The following CHST12 variants were observed in gnomAD, a reference collection of about 807,000 sequenced individuals.
CHST12 encodes the protein carbohydrate sulfotransferase 12, also known as carbohydrate (chondroitin 4) sulfotransferase 12.
CHST12 carries 23 observed loss-of-function variants against 27.9 expected under a neutral mutation model. That is an observed-to-expected ratio of 0.82 (90% confidence interval 0.59 to 1.17). The LOEUF (loss-of-function observed/expected upper bound fraction) is 1.17, where lower values mean the gene tolerates loss of function less well. Ranked by LOEUF, CHST12 falls within the 50% of genes most tolerant of loss-of-function variation. The pLI is 0.00. For missense variants in CHST12, 682 were observed against 603.0 expected (o/e 1.13, Z -1.37); for synonymous variants, 322 against 273.0 (o/e 1.18, Z -1.77).
Position 2,433,622 on chromosome 7 carries a change from T to C in CHST12, c.983T>C (p.Leu328Pro). ...GAGCACTGGCGGCAGGTGTACCGCC[T>C]CTGCCACCCGTGCCAGATCGACTAC... ...FNEHWRQVYR[L>P]CHPCQIDYDF... is the part of the protein sequence containing the mutation. Residue 328 changes from leucine to proline, a missense_variant, in exon 2 of 2, where the codon CTC (leucine) becomes CCC (proline). Coordinates refer to ENST00000618655, the MANE Select transcript of CHST12 (RefSeq NM_018641.5). The surrounding 1 kb of genome is among the most constrained non-coding windows in gnomAD (Gnocchi z 6.1). 1 of 1,613,640 alleles carries C rather than the reference T, an allele frequency of 6.2e-7. No homozygotes were observed. Among genetic ancestry groups the C allele is most frequent in the Non-Finnish European group, 8.5e-7 (1 of 1,179,986 alleles).
chr7:2,433,718 G>T lies in CHST12; in HGVS notation c.1079G>T (p.Arg360Leu). The T allele has an allele frequency of 2.5e-6, 4 of 1,613,564 alleles. No individual in the cohort carries two copies. Among genetic ancestry groups the T allele is most frequent in the Non-Finnish European group, 3.4e-6 (4 of 1,179,910 alleles). ...AQLLQLLQVD[R>L]QLRFPPSYRN... is the part of the protein sequence containing the mutation. Reference sequence around the variant, plus strand: ...CTGCTGCAGCTACTCCAGGTGGACCGGCAGCTCCGCTTCCCCCCGAGCTAC... The same window carrying T: ...CTGCTGCAGCTACTCCAGGTGGACCTGCAGCTCCGCTTCCCCCCGAGCTAC... The change falls in exon 2 of 2, where the codon CGG becomes CTG. Residue 360 changes from arginine (R) to leucine (L), a missense_variant. Transcript: ENST00000618655. The surrounding 1 kb of genome is among the most constrained non-coding windows in gnomAD (Gnocchi z 6.1).
At chr7:2,411,341 TA>T (rs780633159) in intron 1 of CHST12, among the ~76,000 whole-genome samples, 17 of 152,102 alleles carry the variant, frequency 1.1e-4, no homozygotes, top group Non-Finnish European at 2.4e-4. Flanking sequence ...CTTGGCCACC[TA>T]AAGTGTTGGG....
Position 2,436,077 on chromosome 7 carries a change from G to A in CHST12, c.*2193G>A, listed in dbSNP as rs1782466169. The A allele has an allele frequency of 6.6e-6, 1 of 152,412 alleles. No homozygotes were observed. Among genetic ancestry groups the A allele is most frequent in the African/African-American group, 2.4e-5 (1 of 41,566 alleles). 9.4% of individuals were successfully genotyped at this position (152,412 alleles called of 1,614,324 possible). A position where few individuals can be genotyped will look rare whatever the true frequency, so the allele number is the denominator to read the frequency against. On this transcript the variant is annotated 3_prime_UTR_variant, in exon 2 of 2. Transcript: ENST00000618655. ...GACCCTCCTGCATCACCCTCCCAAAGTGCTGGGATTACAGGCATGAGCCAT... is the reference window on the plus strand; with the variant it reads ...GACCCTCCTGCATCACCCTCCCAAAATGCTGGGATTACAGGCATGAGCCAT...
intron 1 of CHST12, 129 bp from the exon 2 acceptor site, chr7:2,432,434 G>A (rs1437158177): frequency 1.6e-6 from 1 of 612,108 alleles, no homozygotes. Context: ...AGCCCCTCTG[G>A]AGGGCGAGCT....
intron 1 of CHST12, among the ~76,000 whole-genome samples, chr7:2,406,450 TGAGTAC>T: frequency 5.2e-4 from 2 of 3,826 alleles, no homozygotes; most frequent in African/African-American, 2.0e-3. Context: ...GGGGCACAGT[TGAGTAC>T]GGGGTGGGGG....
Position 2,433,986 on chromosome 7 carries a change from C to A in CHST12, c.*102C>A. Reference sequence around the variant, plus strand: ...TTGCAATCTGGGCTTCTTGTTCACTCCACTGCCTCTATCCATTGAGTACTG... The same window carrying A: ...TTGCAATCTGGGCTTCTTGTTCACTACACTGCCTCTATCCATTGAGTACTG... On this transcript the variant is annotated 3_prime_UTR_variant, in exon 2 of 2. Transcript: ENST00000618655. This position sits in a 1 kb window ranked among gnomAD's most constrained non-coding sequence, Gnocchi z 6.1. 1 of 887,272 alleles carries A rather than the reference C, an allele frequency of 1.1e-6. No individual in the cohort carries two copies. The highest frequency in any genetic ancestry group is 1.8e-6 in the Non-Finnish European group (1 of 564,678). 55.0% of individuals were successfully genotyped at this position (887,272 alleles called of 1,614,324 possible). A position where few individuals can be genotyped will look rare whatever the true frequency, so the allele number is the denominator to read the frequency against.
rs1217329359 is a variant in CHST12 at position 2,436,406 on chromosome 7, A to G, written c.*2522A>G. 5 of 152,202 alleles carry G rather than the reference A, an allele frequency of 3.3e-5. No individual in the cohort carries two copies. The highest frequency in any genetic ancestry group is 2.0e-4 in the Admixed American group (3 of 15,280). 9.4% of individuals were successfully genotyped at this position (152,202 alleles called of 1,614,324 possible). On this transcript the variant is annotated 3_prime_UTR_variant, in exon 2 of 2. Transcript: ENST00000618655. ...GGACTGAAGTACTTCACCTCATGCA[A>G]TGTCCTCTAGGTTCATCGGTGTCGT...
At position 2,448,275 on chromosome 7, in the gene CHST12, C is replaced by T. The variant is rs964623955; in HGVS notation, c.*14391C>T. ...TTCCCGGCAGGTTGTCTCTGCCTCC[C>T]CTTGCACCCCTTGAATGGCGGGCTC... On this transcript the variant is annotated 3_prime_UTR_variant, in exon 2 of 2. Coordinates refer to ENST00000618655, the MANE Select transcript of CHST12 (RefSeq NM_018641.5). 1 of 152,274 alleles carries T rather than the reference C, an allele frequency of 6.6e-6. No individual in the cohort carries two copies. The highest frequency in any genetic ancestry group is 2.4e-5 in the African/African-American group (1 of 41,436). 9.4% of individuals were successfully genotyped at this position (152,274 alleles called of 1,614,324 possible).
At chr7:2,418,643 G>T (rs1027556714) in intron 1 of CHST12, among the ~76,000 whole-genome samples, 5 of 152,330 alleles carry the variant, frequency 3.3e-5, no homozygotes, top group East Asian at 1.9e-4. Flanking sequence ...GATCATGACC[G>T]CAGTGCTCAG....
intron 1 of CHST12, among the ~76,000 whole-genome samples, chr7:2,409,480 T>C (rs546096626): frequency 2.6e-5 from 4 of 152,108 alleles, no homozygotes; most frequent in African/African-American, 9.6e-5. Context: ...CCAGACATGG[T>C]GGCCTGTGTC....
rs376764872 is a variant in CHST12 at position 2,427,583 on chromosome 7, CT to C, written c.-77-4979del. On this transcript the variant is annotated intron_variant, in intron 1 of 1. Coordinates refer to ENST00000618655, the MANE Select transcript of CHST12 (RefSeq NM_018641.5). Reference sequence around the variant, plus strand: ...TGGGCCTTCCATCTGCCACCCCCCCCTACAGAGATGATAGAAAAATGGTACA... The same window carrying C: ...TGGGCCTTCCATCTGCCACCCCCCCCACAGAGATGATAGAAAAATGGTACA... 4.9e-3 allele frequency among the ~76,000 whole-genome samples: 740 copies of C among 152,058 alleles called. 2 individuals are homozygous for C. The highest frequency in any genetic ancestry group is 0.016 in the African/African-American group (683 of 41,488).
chr7:2,408,688 G>C (rs1349692965), intron 1 of CHST12, among the ~76,000 whole-genome samples: 1 of 152,196 alleles, frequency 6.6e-6, no homozygotes, highest in East Asian at 1.9e-4. Flanking sequence ...GACAACTTCA[G>C]ACTTGCTCCC....
chr7:2,433,037 C>G lies in CHST12; in HGVS notation c.398C>G (p.Ala133Gly), dbSNP rs760576980. 26 of 1,611,436 alleles carry G rather than the reference C, an allele frequency of 1.6e-5. 1 individual carries two copies. In the South Asian group the frequency reaches 2.9e-4, roughly 18 times the overall value. Residue 133 changes from alanine (A) to glycine (G), a missense_variant, in exon 2 of 2, where the codon GCC becomes GGC. Coordinates refer to ENST00000618655, the MANE Select transcript of CHST12 (RefSeq NM_018641.5). This position sits in a 1 kb window ranked among gnomAD's most constrained non-coding sequence, Gnocchi z 6.1. ...ERRSVLRGFCANSSLAFPTKE... is the reference protein window; with the variant it reads ...ERRSVLRGFCGNSSLAFPTKE... ...AGGAGCGTGCTGCGGGGCTTCTGCG[C>G]CAACTCCAGCCTGGCCTTCCCCACC...
At chr7:2,417,632 C>T (rs566357961) in intron 1 of CHST12, among the ~76,000 whole-genome samples, 7 of 152,214 alleles carry the variant, frequency 4.6e-5, no homozygotes, top group East Asian at 3.9e-4. Context: ...TCAACTGATC[C>T]GCCTGCCTTG....
chr7:2,441,988 A>C lies in CHST12; in HGVS notation c.*8104A>C, dbSNP rs949175858. 6 of 106,476 alleles carry C rather than the reference A, an allele frequency of 5.6e-5. No individual in the cohort carries two copies. The highest frequency in any genetic ancestry group is 3.4e-4 in the African/African-American group (6 of 17,800). The allele number at this position is 106,476 out of a possible 1,614,324, so 6.6% of individuals were successfully genotyped here. ...ACCGTTACCACCATCCATCTCCAAA[A>C]TTCTCTCCATTTACAAAACTGAAAC... On this transcript the variant is annotated 3_prime_UTR_variant, in exon 2 of 2. Transcript: ENST00000618655.
chr7:2,445,955 T>A lies in CHST12; in HGVS notation c.*12071T>A, dbSNP rs1335331472. ...TCATGATGTCAGTCTCATTTCCAGA[T>A]GGGGAAAGGGAGACCCAGGCTGCGG... is the stretch of plus-strand genomic sequence containing the variant. On this transcript the variant is annotated 3_prime_UTR_variant, in exon 2 of 2. Coordinates refer to ENST00000618655, the MANE Select transcript of CHST12 (RefSeq NM_018641.5). 6.6e-6 allele frequency: 1 copy of A among 152,232 alleles called. No individual in the cohort carries two copies. Among genetic ancestry groups the A allele is most frequent in the East Asian group, 1.9e-4 (1 of 5,196 alleles). The allele number at this position is 152,232 out of a possible 1,614,324, so 9.4% of individuals were successfully genotyped here. A position where few individuals can be genotyped will look rare whatever the true frequency, so the allele number is the denominator to read the frequency against.
In CHST12 at chr7:2,433,275, G is replaced by T. The variant is rs773943205; in HGVS notation, c.636G>T (p.Ala212=). 8 of 1,611,680 alleles carry T rather than the reference G, an allele frequency of 5.0e-6. No individual in the cohort carries two copies. Among genetic ancestry groups the T allele is most frequent in the Non-Finnish European group, 6.8e-6 (8 of 1,178,704 alleles). Residue 212 remains alanine (A), a synonymous_variant, in exon 2 of 2, where the codon GCG becomes GCT. Coordinates refer to ENST00000618655, the MANE Select transcript of CHST12 (RefSeq NM_018641.5). The surrounding 1 kb of genome is among the most constrained non-coding windows in gnomAD (Gnocchi z 6.1). The part of the protein sequence containing the change: ...IPREHVHNAS[A]HLTFNKFWRR... ...GCGAGCACGTGCACAACGCCAGCGC[G>T]CACCTGACCTTCAACAAGTTCTGGC...
In CHST12 at chr7:2,433,179, C is replaced by T. The variant is rs143597079; in HGVS notation, c.540C>T (p.Arg180=). 2.2e-5 allele frequency: 35 copies of T among 1,612,932 alleles called. No individual in the cohort carries two copies. The highest frequency in any genetic ancestry group is 6.7e-5 in the East Asian group (3 of 44,856). ...VPKVACTNWK[R]VMIVLSGSLL... ...AGGTGGCCTGCACCAACTGGAAGCGCGTGATGATCGTGCTGAGCGGAAGCC... is the reference window on the plus strand; with the variant it reads ...AGGTGGCCTGCACCAACTGGAAGCGTGTGATGATCGTGCTGAGCGGAAGCC... Residue 180 remains arginine, a synonymous_variant, in exon 2 of 2, where the codon CGC becomes CGT. Coordinates refer to ENST00000618655, the MANE Select transcript of CHST12 (RefSeq NM_018641.5). This position sits in a 1 kb window ranked among gnomAD's most constrained non-coding sequence, Gnocchi z 6.1.
chr7:2,422,996 T>C (rs1333827804), intron 1 of CHST12, among the ~76,000 whole-genome samples: 1 of 151,542 alleles, frequency 6.6e-6, no homozygotes, highest in African/African-American at 2.4e-5. Context: ...GTTTTAAAAA[T>C]AGGCTGCAGT....
Sources: gnomAD v4.1 joint callset for allele counts (sites outside exome capture counted in the v4.1 genomes callset) on GRCh38, gnomAD v4.1.1 for gene constraint, Gnocchi (gnomAD v3.1) non-coding constraint, MANE v1.5 for transcripts, NCBI Gene and HGNC (gene_info 2026-07-23, HGNC 2026-07-21) for gene names.